MAST2: variants seen among roughly 807,000 people sequenced by gnomAD.
MAST2 encodes microtubule-associated serine/threonine-protein kinase 2.
In MAST2, 70 loss-of-function variants were observed where a neutral mutation model predicts 147.4. The observed-to-expected ratio is 0.47, with a 90% CI of 0.39 to 0.58. The LOEUF (loss-of-function observed/expected upper bound fraction) is 0.58, where lower values mean the gene tolerates loss of function less well. Ranked by LOEUF, MAST2 falls within the 20% of genes least tolerant of loss-of-function variation. The pLI is 0.00. For missense variants in MAST2, 2,080 were observed against 2,302.3 expected, an observed-to-expected ratio of 0.90 and a Z score of 1.98; for synonymous variants, 869 against 896.8, an observed-to-expected ratio of 0.97 and a Z score of 0.55.
chr1:46,016,367 A>T (rs528385832), intron 10 of MAST2, among the ~76,000 whole-genome samples: 5 of 152,066 alleles, frequency 3.3e-5, no homozygotes, highest in African/African-American at 1.2e-4. Context: ...AGGGTATTCA[A>T]TTAGGAAAAG....
chr1:45,951,815 A>G (rs1658968687), intron 4 of MAST2, among the ~76,000 whole-genome samples: 1 of 152,248 alleles, frequency 6.6e-6, no homozygotes, highest in African/African-American at 2.4e-5. Context: ...AAGCTAAGAA[A>G]TACAGAAGAT....
intron 3 of MAST2, among the ~76,000 whole-genome samples, chr1:45,863,433 C>T (rs1286509113): frequency 1.3e-5 from 2 of 152,094 alleles, no homozygotes; most frequent in Non-Finnish European, 2.9e-5. Context: ...AGAAGGAATC[C>T]GTGGAAATGT....
chr1:46,035,374 G>C lies in MAST2; in HGVS notation c.4705G>C (p.Gly1569Arg). The change falls in exon 29 of 29, where the codon GGG (glycine) becomes CGG (arginine). Residue 1569 changes from glycine (G) to arginine (R), a missense_variant. Gly to Arg is a moderately radical substitution (Grantham distance 125). Coordinates refer to ENST00000361297, the MANE Select transcript of MAST2 (RefSeq NM_015112.3). This position sits in a 1 kb window ranked among gnomAD's most constrained non-coding sequence, Gnocchi z 5.5. The stretch of plus-strand genomic sequence containing the variant: ...AAGCCTATTGACAGGGATCACACTG[G>C]GGCCTCCCAGAATGGAAAGTCCCAG... ...VPSLLTGITLGPPRMESPSGP... is the reference protein window; with the variant it reads ...VPSLLTGITLRPPRMESPSGP... The C allele has an allele frequency of 6.2e-7, 1 of 1,612,926 alleles. No individual in the cohort carries two copies. The highest frequency in any genetic ancestry group is 1.1e-5 in the South Asian group (1 of 90,972).
chr1:45,830,465 G>A (rs1283048799), intron 3 of MAST2, among the ~76,000 whole-genome samples: 24 of 152,112 alleles, frequency 1.6e-4, no homozygotes, highest in Admixed American at 1.6e-3. Context: ...GAGCCACTGT[G>A]CCTGGCCCAA....
intron 10 of MAST2, among the ~76,000 whole-genome samples, chr1:46,014,832 A>C (rs1172505014): frequency 2.6e-5 from 4 of 152,314 alleles, no homozygotes; most frequent in African/African-American, 9.6e-5. Context: ...GACCTAATAG[A>C]CATCTACAGA....
intron 4 of MAST2, among the ~76,000 whole-genome samples, chr1:45,919,214 A>G (rs1653053478): frequency 6.6e-6 from 1 of 152,162 alleles, no homozygotes; most frequent in South Asian, 2.1e-4. Flanking sequence ...TTCAGATAAG[A>G]AGTGGTCAGA....
intron 5 of MAST2, among the ~76,000 whole-genome samples, chr1:45,971,934 T>G (rs373687208): frequency 3.9e-5 from 6 of 152,306 alleles, no homozygotes; most frequent in African/African-American, 1.4e-4. Flanking sequence ...TAATGTTGTT[T>G]GTTACATATC....
At chr1:45,842,060 C>T (rs569593335) in intron 3 of MAST2, among the ~76,000 whole-genome samples, 2 of 152,242 alleles carry the variant, frequency 1.3e-5, no homozygotes, top group African/African-American at 4.8e-5. Context: ...GTTTTGTCTT[C>T]GGATGGTCTG....
chr1:45,811,051 A>G (rs1644276379), intron 1 of MAST2, among the ~76,000 whole-genome samples: 1 of 151,042 alleles, frequency 6.6e-6, no homozygotes, highest in Non-Finnish European at 1.5e-5. Context: ...GAGTTTTTCC[A>G]TGTTGGTCAG....
At chr1:45,889,438 C>T (rs1017755298) in intron 4 of MAST2, among the ~76,000 whole-genome samples, 1 of 152,086 alleles carries the variant, frequency 6.6e-6, no homozygotes, top group African/African-American at 2.4e-5. Context: ...CTGCCTTCCT[C>T]GGCCTTCCGA....
intron 5 of MAST2, among the ~76,000 whole-genome samples, chr1:45,963,441 A>T (rs1160186338): frequency 3.9e-5 from 6 of 152,066 alleles, no homozygotes; most frequent in Non-Finnish European, 8.8e-5. Context: ...TATTTCATTG[A>T]GCAGTGGTTT....
intron 5 of MAST2, among the ~76,000 whole-genome samples, chr1:45,987,779 T>A (rs1644701412): frequency 1.5e-5 from 1 of 66,454 alleles, no homozygotes; most frequent in Non-Finnish European, 3.0e-5. Context: ...TTTTTTTGAT[T>A]TTTTTTTTTT....
At chr1:46,007,126 G>C (rs982662582) in intron 8 of MAST2, among the ~76,000 whole-genome samples, 1 of 152,180 alleles carries the variant, frequency 6.6e-6, no homozygotes, top group South Asian at 2.1e-4. Context: ...TTAGGTTAAG[G>C]AAGGTGATGG....
intron 3 of MAST2, among the ~76,000 whole-genome samples, chr1:45,830,301 A>G (rs1436278691): frequency 6.7e-6 from 1 of 149,106 alleles, no homozygotes; most frequent in East Asian, 2.0e-4. Context: ...CAGCCTCCCA[A>G]GTAGCTGGGA....
intron 5 of MAST2, among the ~76,000 whole-genome samples, chr1:45,977,562 G>T (rs1455055018): frequency 6.6e-6 from 1 of 152,090 alleles, no homozygotes; most frequent in Non-Finnish European, 1.5e-5. Context: ...CACTTTGGGA[G>T]GCCGAGGCGG....
intron 3 of MAST2, among the ~76,000 whole-genome samples, chr1:45,848,242 G>T (rs1179232166): frequency 6.6e-6 from 1 of 152,194 alleles, no homozygotes; most frequent in Admixed American, 6.5e-5. Flanking sequence ...TGTGCGGAAG[G>T]CCGACCCTTG....
At chr1:45,995,954 G>A (rs1645039215) in intron 5 of MAST2, among the ~76,000 whole-genome samples, 1 of 152,010 alleles carries the variant, frequency 6.6e-6, no homozygotes, top group South Asian at 2.1e-4. Context: ...GTGGGTATAT[G>A]GTTTTTATCA....
intron 20 of MAST2, 68 bp downstream of exon 20, chr1:46,030,021 T>C (rs963387154): frequency 8.1e-6 from 13 of 1,607,232 alleles, no homozygotes; most frequent in Non-Finnish European, 1.0e-5. Context: ...CTGTGCACAC[T>C]GAAATTGCAT....
intron 5 of MAST2, among the ~76,000 whole-genome samples, chr1:45,961,457 C>T (rs536989700): frequency 1.3e-5 from 2 of 152,310 alleles, no homozygotes; most frequent in Admixed American, 1.3e-4. Context: ...TTTAGATTCT[C>T]CACAGTTAGC....
Sources: allele counts gnomAD v4.1 joint callset (sites outside exome capture counted in the v4.1 genomes callset), GRCh38; gene constraint gnomAD v4.1.1; non-coding constraint Gnocchi (gnomAD v3.1); transcripts MANE v1.5; gene names NCBI Gene and HGNC (gene_info 2026-07-23, HGNC 2026-07-21).